ZNF609: variants seen among roughly 807,000 people sequenced by gnomAD.
ZNF609 encodes zinc finger protein 609.
Under a neutral mutation model 109.5 loss-of-function variants are expected in ZNF609, and 11 were observed. That is an observed-to-expected ratio of 0.10 (90% CI 0.06 to 0.17). ZNF609 has a LOEUF of 0.17. Ranked by LOEUF, ZNF609 falls within the 10% of genes least tolerant of loss-of-function variation. The pLI is 1.00. For synonymous variants in ZNF609, 646 were observed against 662.0 expected, an observed-to-expected ratio of 0.98 and a Z score of 0.37; for missense variants, 1,559 against 1,772.4, an observed-to-expected ratio of 0.88 and a Z score of 2.16.
intron 2 of ZNF609, among the ~76,000 whole-genome samples, chr15:64,580,019 A>G (rs2140425259): frequency 6.6e-6 from 1 of 152,324 alleles, no homozygotes; most frequent in African/African-American, 2.4e-5. Context: ...GATTAAATTA[A>G]GGATTTTGAG....
At chr15:64,590,530 G>C (rs890031011) in intron 2 of ZNF609, among the ~76,000 whole-genome samples, 3 of 152,058 alleles carry the variant, frequency 2.0e-5, no homozygotes, top group African/African-American at 4.8e-5. Flanking sequence ...TGTTAGCCAG[G>C]CTGGTCTTGA....
intron 2 of ZNF609, among the ~76,000 whole-genome samples, chr15:64,576,917 CA>C (rs1894965279): frequency 8.5e-6 from 1 of 118,072 alleles, no homozygotes; most frequent in Non-Finnish European, 1.8e-5. Context: ...TGTATATATA[CA>C]TATATGTGTA....
At chr15:64,487,058 T>C (rs936953828) in intron 1 of ZNF609, among the ~76,000 whole-genome samples, 4 of 152,250 alleles carry the variant, frequency 2.6e-5, no homozygotes, top group African/African-American at 9.6e-5. Context: ...TTTGATATAC[T>C]ACTATTACAT....
intron 2 of ZNF609, among the ~76,000 whole-genome samples, chr15:64,516,130 T>C (rs974921807): frequency 1.3e-5 from 2 of 152,150 alleles, no homozygotes; most frequent in Admixed American, 6.5e-5. Flanking sequence ...CTTTTTCATA[T>C]TTGACTAAAA....
chr15:64,464,658 C>T (rs1319468306), intron 1 of ZNF609, among the ~76,000 whole-genome samples: 1 of 145,944 alleles, frequency 6.9e-6, no homozygotes, highest in East Asian at 2.1e-4. Context: ...CTTCATGATA[C>T]CTCTGTTATA....
intron 2 of ZNF609, among the ~76,000 whole-genome samples, chr15:64,540,915 C>T (rs1894242625): frequency 6.7e-6 from 1 of 149,792 alleles, no homozygotes; most frequent in South Asian, 2.1e-4. Flanking sequence ...GTAGTCCCAG[C>T]TACTTGGGAG....
At chr15:64,485,487 A>G (rs896221812) in intron 1 of ZNF609, among the ~76,000 whole-genome samples, 1 of 152,240 alleles carries the variant, frequency 6.6e-6, no homozygotes, top group Non-Finnish European at 1.5e-5. Context: ...AGATAATTAT[A>G]GAGTCTTACG....
At chr15:64,464,374 CT>C (rs2140325941) in intron 1 of ZNF609, among the ~76,000 whole-genome samples, 1 of 152,292 alleles carries the variant, frequency 6.6e-6, no homozygotes, top group South Asian at 2.1e-4. Flanking sequence ...GTAGTTACTT[CT>C]TTTCCAGGTA....
chr15:64,628,216 A>C (rs1159000845), intron 3 of ZNF609, among the ~76,000 whole-genome samples: 2 of 152,088 alleles, frequency 1.3e-5, no homozygotes, highest in East Asian at 3.9e-4. Flanking sequence ...CAGGAGGATC[A>C]CTTGAACCCA....
chr15:64,551,744 G>A lies in ZNF609; in HGVS notation c.747+51578G>A, dbSNP rs539642130. 4.0e-5 allele frequency among the ~76,000 whole-genome samples: 6 copies of A among 149,996 alleles called. 1 individual carries two copies. The highest frequency in any genetic ancestry group is 2.7e-4 in the Admixed American group (4 of 15,044). On this transcript the variant is annotated intron_variant, in intron 2 of 9. Coordinates refer to ENST00000326648, the MANE Select transcript of ZNF609 (RefSeq NM_015042.2). ...GACAAGAGAACAGCTGATCAATGGG[G>A]CAGTGAGAACTTACACATTTATTGA...
intron 6 of ZNF609, among the ~76,000 whole-genome samples, chr15:64,679,448 G>T (rs577971309): frequency 6.6e-6 from 1 of 152,192 alleles, no homozygotes; most frequent in Non-Finnish European, 1.5e-5. Flanking sequence ...ACCATGTGGG[G>T]TGCTTCTGGG....
intron 2 of ZNF609, among the ~76,000 whole-genome samples, chr15:64,562,134 C>T (rs1251634935): frequency 6.6e-6 from 1 of 152,216 alleles, no homozygotes; most frequent in Non-Finnish European, 1.5e-5. Flanking sequence ...TCAATCTTTA[C>T]ATTCTCCAGG....
rs757067768 is a variant in ZNF609 at position 64,468,259 on chromosome 15, C to CTTTCT, written c.-128+7436_-128+7440dup. ...TTCCTTCCTCCTTTCCTTTCCTTTC[C>CTTTCT]TTTCTTTTCTTTTCTTTTCCTTCCT... On this transcript the variant is annotated intron_variant, in intron 1 of 9. Coordinates refer to ENST00000326648, the MANE Select transcript of ZNF609 (RefSeq NM_015042.2). Among the ~76,000 whole-genome samples, 82 of 141,664 alleles carry CTTTCT rather than the reference C, an allele frequency of 5.8e-4. 1 individual carries two copies. In the Middle Eastern group the frequency reaches 0.014, roughly 25 times the overall value. 92.9% of individuals were successfully genotyped at this position (141,664 alleles called of 152,430 possible). A position where few individuals can be genotyped will look rare whatever the true frequency, so the allele number is the denominator to read the frequency against.
intron 2 of ZNF609, among the ~76,000 whole-genome samples, chr15:64,526,392 A>G (rs1361695881): frequency 6.6e-6 from 1 of 152,024 alleles, no homozygotes; most frequent in African/African-American, 2.4e-5. Context: ...GTTATCTGCA[A>G]ATTGAGATCC....
intron 2 of ZNF609, among the ~76,000 whole-genome samples, chr15:64,588,799 T>C (rs1418202624): frequency 6.6e-6 from 1 of 152,022 alleles, no homozygotes; most frequent in Non-Finnish European, 1.5e-5. Flanking sequence ...TCACTACGTC[T>C]GGCTAATTTT....
chr15:64,480,571 C>A (rs1481532940), intron 1 of ZNF609, among the ~76,000 whole-genome samples: 1 of 151,858 alleles, frequency 6.6e-6, no homozygotes, highest in Non-Finnish European at 1.5e-5. Flanking sequence ...TAATTTAATT[C>A]TCATCTCATA....
At chr15:64,678,553 G>A in intron 6 of ZNF609, 71 bp downstream of exon 6, 1 of 1,514,478 alleles carries the variant, frequency 6.6e-7, no homozygotes, top group Non-Finnish European at 8.8e-7. Context: ...CACATCCAGA[G>A]TTTTCTTGCT....
At position 64,675,405 on chromosome 15, in the gene ZNF609, G is replaced by C. The variant is rs749802249; in HGVS notation, c.2551G>C (p.Ala851Pro). 1 of 1,614,200 alleles carries C rather than the reference G, an allele frequency of 6.2e-7. No homozygotes were observed. Among genetic ancestry groups the C allele is most frequent in the East Asian group, 2.2e-5 (1 of 44,884 alleles). Residue 851 changes from alanine to proline, a missense_variant, in exon 5 of 10, where the codon GCT becomes CCT. Around this residue, in one of 4 missense-constraint regions of ZNF609, gnomAD observed 1,204 missense variants for 1,314.1 expected, o/e 0.92. Transcript: ENST00000326648. ...CCCTGCATACTCTGACATCTCTGAT[G>C]CTGGGGAGGATGGGGAGGGCAAGGT... Reference protein sequence around the residue: ...NSPAYSDISDAGEDGEGKVDS... With the variant: ...NSPAYSDISDPGEDGEGKVDS...
intron 3 of ZNF609, among the ~76,000 whole-genome samples, chr15:64,641,818 T>G (rs1426004276): frequency 6.6e-6 from 1 of 152,146 alleles, no homozygotes; most frequent in African/African-American, 2.4e-5. Flanking sequence ...CCAAATTGCT[T>G]ATTGGATCAT....
Sources: gnomAD v4.1 joint callset for allele counts (sites outside exome capture counted in the v4.1 genomes callset) on GRCh38, gnomAD v4.1.1 for gene constraint, gnomAD v4.1.1 regional missense constraint, MANE v1.5 for transcripts, NCBI Gene and HGNC (gene_info 2026-07-23, HGNC 2026-07-21) for gene names.